PREX2: variants seen among roughly 807,000 people sequenced by gnomAD.
PREX2 encodes phosphatidylinositol-3,4,5-trisphosphate dependent Rac exchange factor 2, also known as phosphatidylinositol 3,4,5-trisphosphate-dependent Rac exchanger 2 protein.
A neutral mutation model predicts 203.2 loss-of-function variants in PREX2; 107 were observed. The ratio of observed to expected loss-of-function variants is 0.53; its 90% confidence interval spans 0.45 to 0.62. The LOEUF is 0.62. Among genes scored for constraint, PREX2 ranks in the 20% least tolerant of loss-of-function variants. PREX2 has a pLI of 0.00. For synonymous variants in PREX2, 672 were observed against 663.6 expected (o/e 1.01, Z -0.19); for missense variants, 1,777 against 1,955.9 (o/e 0.91, Z 1.72).
chr8:68,188,136 T>C (rs1812226424), intron 35 of PREX2, among the ~76,000 whole-genome samples: 1 of 152,292 alleles, frequency 6.6e-6, no homozygotes, highest in African/African-American at 2.4e-5. Context: ...CCTGAACTAC[T>C]GAACCAAACT....
Position 68,019,671 on chromosome 8 carries a change from T to G in PREX2, c.336T>G (p.Phe112Leu). Residue 112 changes from phenylalanine (F) to leucine (L), a missense_variant and splice_region_variant, in exon 3 of 40, where the codon TTT becomes TTG. Phe to Leu is a conservative substitution (Grantham distance 22). Transcript: ENST00000288368. ...QQEVGTCFLH[F>L]KDKFRIYDEY... ...AAGTGGGAACCTGCTTTCTTCACTTTGTAGGATAAATTTCTTTTTATTTTA... is the reference window on the plus strand; with the variant it reads ...AAGTGGGAACCTGCTTTCTTCACTTGGTAGGATAAATTTCTTTTTATTTTA... 3 of 1,597,744 alleles carry G rather than the reference T, an allele frequency of 1.9e-6. No individual in the cohort carries two copies. Among genetic ancestry groups the G allele is most frequent in the Non-Finnish European group, 2.6e-6 (3 of 1,176,094 alleles).
At chr8:68,137,185 C>T (rs1180813279) in intron 32 of PREX2, among the ~76,000 whole-genome samples, 2 of 152,094 alleles carry the variant, frequency 1.3e-5, no homozygotes, top group Non-Finnish European at 2.9e-5. Context: ...GGCTTACAGG[C>T]GTGAGCCACC....
At chr8:68,065,375 G>T (rs1012077501) in intron 11 of PREX2, among the ~76,000 whole-genome samples, 2 of 152,174 alleles carry the variant, frequency 1.3e-5, no homozygotes, top group African/African-American at 4.8e-5. Context: ...AGAGTTTCAC[G>T]TTATTTCTCT....
chr8:67,999,959 A>G (rs1270927750), intron 1 of PREX2, among the ~76,000 whole-genome samples: 1 of 152,234 alleles, frequency 6.6e-6, no homozygotes, highest in Non-Finnish European at 1.5e-5. Flanking sequence ...TATTGAAGGA[A>G]CATGCCTCAA....
intron 1 of PREX2, among the ~76,000 whole-genome samples, chr8:67,992,382 A>T (rs1806635804): frequency 6.6e-6 from 1 of 152,224 alleles, no homozygotes; most frequent in African/African-American, 2.4e-5. Context: ...TGTATTAATT[A>T]GTCTCAGTTG....
chr8:68,219,814 C>G (rs1812919133), intron 38 of PREX2, among the ~76,000 whole-genome samples: 1 of 152,176 alleles, frequency 6.6e-6, no homozygotes. Flanking sequence ...CAAGCCAACT[C>G]TTACCTACCT....
intron 35 of PREX2, among the ~76,000 whole-genome samples, chr8:68,166,142 A>G (rs1000535558): frequency 1.3e-5 from 2 of 152,188 alleles, no homozygotes; most frequent in African/African-American, 4.8e-5. Flanking sequence ...CAGAGACTGA[A>G]GCCCTCATTC....
In PREX2 at chr8:67,952,419, A is replaced by G; in HGVS notation, c.25A>G (p.Ser9Gly). The change falls in exon 1 of 40, where the codon AGC (serine) becomes GGC (glycine). Residue 9 changes from serine to glycine, a missense_variant. Transcript: ENST00000288368. MSEDSRGD[S>G]RAESAKDLEK... ...CATGAGCGAGGACAGCCGCGGAGAC[A>G]GCCGCGCCGAGAGCGCCAAGGACCT... 6.4e-7 allele frequency: 1 copy of G among 1,570,992 alleles called. No homozygotes were observed. Among genetic ancestry groups the G allele is most frequent in the Non-Finnish European group, 8.6e-7 (1 of 1,159,394 alleles).
chr8:68,019,496 C>T (rs1807501674), intron 2 of PREX2, 53 bp from the exon 3 acceptor site: 2 of 1,493,782 alleles, frequency 1.3e-6, no homozygotes, highest in East Asian at 4.6e-5. Flanking sequence ...CTATCATAGA[C>T]TTAAAAAAAT....
chr8:68,027,979 T>C (rs976862522), intron 5 of PREX2, among the ~76,000 whole-genome samples: 8 of 152,080 alleles, frequency 5.3e-5, no homozygotes, highest in Non-Finnish European at 7.4e-5. Flanking sequence ...TAGGTCAAGA[T>C]GGCAATTTTT....
intron 1 of PREX2, among the ~76,000 whole-genome samples, chr8:67,991,777 G>A (rs1045855570): frequency 1.3e-5 from 2 of 152,116 alleles, no homozygotes; most frequent in Non-Finnish European, 2.9e-5. Flanking sequence ...AGGGAGTGGC[G>A]ATGACTGAGG....
chr8:68,183,158 A>G (rs1812117727), intron 35 of PREX2, among the ~76,000 whole-genome samples: 1 of 152,060 alleles, frequency 6.6e-6, no homozygotes, highest in Non-Finnish European at 1.5e-5. Context: ...AAGGTAATGA[A>G]ATGATTGTAT....
chr8:68,080,432 T>A lies in PREX2; in HGVS notation c.1643-11T>A. On this transcript the variant is annotated splice_polypyrimidine_tract_variant and intron_variant, in intron 15 of 39. Coordinates refer to ENST00000288368, the MANE Select transcript of PREX2 (RefSeq NM_024870.4). ...TTAGCTGAAATAATTTGCATCTGTC[T>A]TTTTCTGTAGTCCTTGAAAAAAGCG... The A allele has an allele frequency of 1.2e-6, 2 of 1,607,540 alleles. No homozygotes were observed. The highest frequency in any genetic ancestry group is 2.2e-5 in the South Asian group (2 of 88,900).
intron 10 of PREX2, among the ~76,000 whole-genome samples, chr8:68,058,136 AT>A (rs1808734321): frequency 6.6e-6 from 1 of 152,130 alleles, no homozygotes; most frequent in African/African-American, 2.4e-5. Context: ...GAATTTCCTC[AT>A]TCCCTGAGTA....
At chr8:68,230,269 G>A (rs1283568028) in intron 39 of PREX2, among the ~76,000 whole-genome samples, 1 of 152,200 alleles carries the variant, frequency 6.6e-6, no homozygotes, top group East Asian at 1.9e-4. Context: ...CAACATTGAA[G>A]CTGTTTTCAA....
rs367823600 is a variant in PREX2, at chr8:68,109,271, C to T, written c.2939-145C>T. 7.9e-5 allele frequency: 49 copies of T among 622,052 alleles called. No homozygotes were observed. In the East Asian group the frequency reaches 1.4e-3, roughly 17 times the overall value. 38.5% of individuals were successfully genotyped at this position (622,052 alleles called of 1,614,324 possible). On this transcript the variant is annotated intron_variant, in intron 24 of 39. Coordinates refer to ENST00000288368, the MANE Select transcript of PREX2 (RefSeq NM_024870.4). ...ACCTAGATTTAGTCATTGCATAATG[C>T]ATATATACGTCAAAACATCAGGTTG...
chr8:68,061,142 C>T (rs1456930942), intron 11 of PREX2, among the ~76,000 whole-genome samples: 3 of 152,258 alleles, frequency 2.0e-5, no homozygotes, highest in Middle Eastern at 6.8e-3. Flanking sequence ...TGCCAGGGAC[C>T]GCAGGGCAGA....
At chr8:68,157,215 T>C in intron 34 of PREX2, 107 bp from the exon 35 acceptor site, 1 of 511,940 alleles carries the variant, frequency 2.0e-6, no homozygotes, top group Non-Finnish European at 3.5e-6. Flanking sequence ...TATATGTTGA[T>C]AATTGGTCCT....
chr8:68,093,019 A>G (rs932941089), intron 20 of PREX2, among the ~76,000 whole-genome samples: 1 of 152,176 alleles, frequency 6.6e-6, no homozygotes, highest in Non-Finnish European at 1.5e-5. Flanking sequence ...TTTAAGTAAG[A>G]TATTTTGGAA....
Sources: gnomAD v4.1 joint callset for allele counts (sites outside exome capture counted in the v4.1 genomes callset) on GRCh38, gnomAD v4.1.1 for gene constraint, MANE v1.5 for transcripts, NCBI Gene and HGNC (gene_info 2026-07-23, HGNC 2026-07-21) for gene names.